Variants in CHCHD3 observed in about 807,000 individuals in gnomAD.
CHCHD3 encodes MICOS complex subunit MIC19.
Under a neutral mutation model 38.2 loss-of-function variants are expected in CHCHD3, and 20 were observed. That is an observed-to-expected ratio of 0.52 (90% CI 0.37 to 0.76). The LOEUF is 0.76. Ranked by LOEUF, CHCHD3 falls within the 30% of genes least tolerant of loss-of-function variation. The pLI is 0.00. For missense variants in CHCHD3, 245 were observed against 279.2 expected (o/e 0.88, Z 0.87); for synonymous variants, 82 against 100.0 (o/e 0.82, Z 1.07).
intron 6 of CHCHD3, among the ~76,000 whole-genome samples, chr7:132,806,749 C>A (rs1195357298): frequency 6.6e-6 from 1 of 151,780 alleles, no homozygotes; most frequent in African/African-American, 2.4e-5. Context: ...AGCCAAAACA[C>A]TTTCATCAAG....
chr7:133,081,270 A>C (rs1815162842), intron 1 of CHCHD3, among the ~76,000 whole-genome samples: 1 of 152,082 alleles, frequency 6.6e-6, no homozygotes, highest in South Asian at 2.1e-4. Context: ...GGCGCCTGGG[A>C]AAGAGGAGAT....
chr7:132,860,687 C>T lies in CHCHD3; in HGVS notation c.454-22218G>A, dbSNP rs1356594580. ...TGTTGCCCAGGCTGGTGGGCAGTGA[C>T]GCAATCTCAGCTCATTGCAACCTCC... On this transcript the variant is annotated intron_variant, in intron 5 of 7. Coordinates refer to ENST00000262570, the MANE Select transcript of CHCHD3 (RefSeq NM_017812.4). Among the ~76,000 whole-genome samples the T allele has an allele frequency of 4.6e-5, 7 of 151,866 alleles. No individual in the cohort carries two copies. In the South Asian group the frequency reaches 6.2e-4, roughly 14 times the overall value.
At chr7:133,081,666 C>T (rs1815174122) in intron 1 of CHCHD3, among the ~76,000 whole-genome samples, 191 bp downstream of exon 1, 1 of 152,232 alleles carries the variant, frequency 6.6e-6, no homozygotes, top group African/African-American at 2.4e-5. Context: ...GCACTTGGCA[C>T]AACCAGGAAC....
At chr7:132,900,128 G>A (rs973612500) in intron 4 of CHCHD3, among the ~76,000 whole-genome samples, 2 of 91,462 alleles carry the variant, frequency 2.2e-5, no homozygotes, top group African/African-American at 8.6e-5. Context: ...ATATTCGCTG[G>A]GCTGCCTCCT....
intron 6 of CHCHD3, among the ~76,000 whole-genome samples, chr7:132,823,545 C>T (rs1011859278): frequency 5.9e-5 from 9 of 152,082 alleles, no homozygotes; most frequent in African/African-American, 1.9e-4. Context: ...CTTTTCGCTA[C>T]AGTAAGTCTC....
chr7:132,920,767 C>T (rs575517010), intron 4 of CHCHD3, among the ~76,000 whole-genome samples: 4 of 151,812 alleles, frequency 2.6e-5, no homozygotes, highest in Admixed American at 2.6e-4. Flanking sequence ...TCATTGTTCA[C>T]TTAATTGTTG....
At chr7:133,040,660 G>C (rs1376796175) in intron 2 of CHCHD3, among the ~76,000 whole-genome samples, 2 of 152,048 alleles carry the variant, frequency 1.3e-5, no homozygotes, top group Non-Finnish European at 2.9e-5. Context: ...CAAGCATCTT[G>C]CTGTGGTTAC....
intron 3 of CHCHD3, among the ~76,000 whole-genome samples, chr7:133,016,090 C>T (rs766621235): frequency 2.0e-5 from 3 of 152,158 alleles, no homozygotes; most frequent in Non-Finnish European, 4.4e-5. Context: ...ACTTCCAGCA[C>T]TGGGGATTAT....
chr7:132,812,197 TTTC>T (rs1435351293), intron 6 of CHCHD3, among the ~76,000 whole-genome samples: 3 of 72,502 alleles, frequency 4.1e-5, no homozygotes, highest in African/African-American at 6.2e-5. Flanking sequence ...CTTTTTTTCT[TTTC>T]TTTTTTTTTT....
At chr7:132,975,026 A>G in intron 4 of CHCHD3, 143 bp downstream of exon 4, 4 of 665,600 alleles carry the variant, frequency 6.0e-6, no homozygotes, top group Non-Finnish European at 7.7e-6. Context: ...AGCTACTTAT[A>G]AAAGGCAAAA....
intron 4 of CHCHD3, among the ~76,000 whole-genome samples, chr7:132,903,367 G>A (rs1809717532): frequency 6.6e-6 from 1 of 151,998 alleles, no homozygotes; most frequent in Admixed American, 6.6e-5. Flanking sequence ...ATCCTTGGTT[G>A]GTTGAATCTG....
At chr7:133,077,506 C>T (rs1815037107) in intron 1 of CHCHD3, among the ~76,000 whole-genome samples, 2 of 152,196 alleles carry the variant, frequency 1.3e-5, no homozygotes, top group Admixed American at 6.5e-5. Context: ...TGCGGACATT[C>T]GTTTATGTCT....
At chr7:133,064,379 G>A (rs932261657) in intron 2 of CHCHD3, among the ~76,000 whole-genome samples, 2 of 152,164 alleles carry the variant, frequency 1.3e-5, no homozygotes, top group Admixed American at 1.3e-4. Flanking sequence ...CACAAAAAAA[G>A]TACACAGTTG....
intron 5 of CHCHD3, among the ~76,000 whole-genome samples, chr7:132,863,996 G>A (rs1413407373): frequency 1.3e-5 from 2 of 152,184 alleles, no homozygotes; most frequent in African/African-American, 4.8e-5. Flanking sequence ...CAGTAATAAA[G>A]CTGTTTCACT....
intron 3 of CHCHD3, among the ~76,000 whole-genome samples, chr7:132,986,432 A>G (rs1035715738): frequency 1.8e-4 from 27 of 151,816 alleles, no homozygotes; most frequent in African/African-American, 4.6e-4. Flanking sequence ...AAGAAAAAAA[A>G]AAAAAAAGAA....
intron 2 of CHCHD3, among the ~76,000 whole-genome samples, chr7:133,062,582 T>A (rs1814547391): frequency 6.6e-6 from 1 of 152,220 alleles, no homozygotes; most frequent in South Asian, 2.1e-4. Context: ...TAATTCCATT[T>A]AAAGTTAGTG....
At chr7:133,066,170 C>G (rs947561640) in intron 2 of CHCHD3, among the ~76,000 whole-genome samples, 9 of 152,082 alleles carry the variant, frequency 5.9e-5, no homozygotes, top group Non-Finnish European at 1.2e-4. Flanking sequence ...TTAATTTTCA[C>G]TTAACTTTTA....
In CHCHD3 at chr7:132,788,996, T is replaced by C. The variant is rs1236730097; in HGVS notation, c.661-3336A>G. On this transcript the variant is annotated intron_variant, in intron 7 of 7. Coordinates refer to ENST00000262570, the MANE Select transcript of CHCHD3 (RefSeq NM_017812.4). This position sits in a 1 kb window ranked among gnomAD's most constrained non-coding sequence, Gnocchi z 4.0. ...AATTCATCTGTCAAACATTTTGGGTTATTATTATATTCCAGCTATGCGACA... is the reference window on the plus strand; with the variant it reads ...AATTCATCTGTCAAACATTTTGGGTCATTATTATATTCCAGCTATGCGACA... Among the ~76,000 whole-genome samples, 2 of 152,216 alleles carry C rather than the reference T, an allele frequency of 1.3e-5. No individual in the cohort carries two copies. The highest frequency in any genetic ancestry group is 4.8e-5 in the African/African-American group (2 of 41,446).
chr7:132,916,926 T>C (rs1018454134), intron 4 of CHCHD3, among the ~76,000 whole-genome samples: 1 of 152,140 alleles, frequency 6.6e-6, no homozygotes, highest in African/African-American at 2.4e-5. Context: ...TATGTATGTA[T>C]GGAGAAAAAA....
Sources: gnomAD v4.1 joint callset for allele counts (sites outside exome capture counted in the v4.1 genomes callset) on GRCh38, gnomAD v4.1.1 for gene constraint, Gnocchi (gnomAD v3.1) non-coding constraint, MANE v1.5 for transcripts, NCBI Gene and HGNC (gene_info 2026-07-23, HGNC 2026-07-21) for gene names.